Variants in SH3PXD2B observed in about 807,000 individuals in gnomAD.
The protein encoded by SH3PXD2B is SH3 and PX domains 2B, also known as SH3 and PX domain-containing protein 2B.
SH3PXD2B carries 37 observed loss-of-function variants against 73.1 expected under a neutral mutation model. The observed-to-expected ratio is 0.51, with a 90% CI of 0.39 to 0.67. The LOEUF (loss-of-function observed/expected upper bound fraction) is 0.67. SH3PXD2B is among the 30% of genes least tolerant of loss of function. The pLI, the probability that SH3PXD2B is intolerant of heterozygous loss-of-function variation, is 0.00. For missense variants in SH3PXD2B, 1,053 were observed against 1,197.8 expected, an observed-to-expected ratio of 0.88 and a Z score of 1.78; for synonymous variants, 457 against 480.5, an observed-to-expected ratio of 0.95 and a Z score of 0.64.
At chr5:172,430,896 T>G (rs183699296) in intron 1 of SH3PXD2B, among the ~76,000 whole-genome samples, 2 of 152,028 alleles carry the variant, frequency 1.3e-5, no homozygotes, top group Admixed American at 1.3e-4. Context: ...AGATGGAGTC[T>G]CGTTCTGTCA....
At chr5:172,418,440 G>T (rs1041734819) in intron 2 of SH3PXD2B, among the ~76,000 whole-genome samples, 1 of 152,188 alleles carries the variant, frequency 6.6e-6, no homozygotes, top group Non-Finnish European at 1.5e-5. Context: ...TTTCCATTAC[G>T]CCACACTGGC....
chr5:172,347,497 C>T (rs555684675), intron 10 of SH3PXD2B, among the ~76,000 whole-genome samples, 165 bp from the exon 11 acceptor site: 2 of 152,104 alleles, frequency 1.3e-5, no homozygotes, highest in East Asian at 1.9e-4. Flanking sequence ...GCTGCTCACG[C>T]GTGGCTCATA....
chr5:172,390,040 C>T (rs2247647), intron 4 of SH3PXD2B, among the ~76,000 whole-genome samples: 66,945 of 152,010 alleles, frequency 0.44, 15,314 homozygotes, highest in East Asian at 0.7. Context: ...ACAGATTTAC[C>T]GTGGCATAAA....
chr5:172,423,792 G>A (rs1759031743), intron 1 of SH3PXD2B, among the ~76,000 whole-genome samples: 1 of 152,120 alleles, frequency 6.6e-6, no homozygotes, highest in Non-Finnish European at 1.5e-5. Flanking sequence ...ACAGGCGAGC[G>A]CTACCGTGCC....
intron 4 of SH3PXD2B, among the ~76,000 whole-genome samples, chr5:172,383,288 C>A (rs1393836770): frequency 6.6e-6 from 1 of 152,222 alleles, no homozygotes; most frequent in Admixed American, 6.5e-5. Flanking sequence ...CCACATTAAT[C>A]TGCCCCAGTG....
chr5:172,436,921 C>T, intron 1 of SH3PXD2B, among the ~76,000 whole-genome samples: 1 of 152,134 alleles, frequency 6.6e-6, no homozygotes, highest in Admixed American at 6.5e-5. Context: ...CCGAAGGTCC[C>T]TAGGAATCCA....
intron 3 of SH3PXD2B, among the ~76,000 whole-genome samples, chr5:172,396,030 C>T (rs532723705): frequency 1.3e-5 from 2 of 151,816 alleles, no homozygotes; most frequent in South Asian, 2.1e-4. Context: ...AGATCAAGCT[C>T]GGGCAGGCAG....
chr5:172,345,821 G>A (rs1212624732), intron 12 of SH3PXD2B, among the ~76,000 whole-genome samples: 1 of 152,176 alleles, frequency 6.6e-6, no homozygotes, highest in Non-Finnish European at 1.5e-5. Context: ...GCACATCTAT[G>A]GGGACAGAAA....
At chr5:172,399,118 T>C (rs12055063) in intron 3 of SH3PXD2B, among the ~76,000 whole-genome samples, 72,923 of 152,092 alleles carry the variant, frequency 0.48, 18,479 homozygotes, top group East Asian at 0.69. Flanking sequence ...AAGTTCAAGC[T>C]GCCTTTCAAC....
At chr5:172,348,587 T>C (rs1401110368) in intron 10 of SH3PXD2B, among the ~76,000 whole-genome samples, 1 of 148,582 alleles carries the variant, frequency 6.7e-6, no homozygotes, top group African/African-American at 2.4e-5. Flanking sequence ...TCAGTGGTGG[T>C]AGGGGGGTGT....
intron 6 of SH3PXD2B, among the ~76,000 whole-genome samples, chr5:172,370,965 C>T (rs1757690597): frequency 6.6e-6 from 1 of 152,034 alleles, no homozygotes; most frequent in African/African-American, 2.4e-5. Flanking sequence ...TCAAAGGATT[C>T]CTAGGCAAGG....
At chr5:172,412,189 T>C (rs1300114028) in intron 2 of SH3PXD2B, among the ~76,000 whole-genome samples, 2 of 152,202 alleles carry the variant, frequency 1.3e-5, no homozygotes, top group Non-Finnish European at 2.9e-5. Flanking sequence ...AGGCTGTGTT[T>C]TAAGGTTGGC....
At chr5:172,351,030 C>T (rs1757150424) in intron 9 of SH3PXD2B, among the ~76,000 whole-genome samples, 2 of 152,240 alleles carry the variant, frequency 1.3e-5, no homozygotes, top group Admixed American at 6.5e-5. Flanking sequence ...CAAGTGGCAG[C>T]TGGCCATCAC....
intron 1 of SH3PXD2B, among the ~76,000 whole-genome samples, chr5:172,439,660 GTA>G (rs1375173364): frequency 2.4e-4 from 34 of 140,062 alleles, no homozygotes; most frequent in African/African-American, 1.0e-3. Flanking sequence ...TAAAAACCAG[GTA>G]TGTGTGTGCG....
intron 5 of SH3PXD2B, among the ~76,000 whole-genome samples, chr5:172,376,869 C>G (rs976071719): frequency 1.3e-5 from 2 of 152,190 alleles, no homozygotes. Context: ...GGTACCAGGC[C>G]CAGGACTGGA....
rs370759638 is a variant in SH3PXD2B at position 172,340,401 on chromosome 5, C to G, written c.1189-485G>C. Among the ~76,000 whole-genome samples, 22 of 152,288 alleles carry G rather than the reference C, an allele frequency of 1.4e-4. No individual in the cohort carries two copies. In the South Asian group the frequency reaches 4.1e-3, roughly 29 times the overall value. The stretch of plus-strand genomic sequence containing the variant: ...TACCCAGGGTATTAACTCCTCTCCC[C>G]TTCTGGGAAGCTGTCGGCTTGCAGG... On this transcript the variant is annotated intron_variant, in intron 12 of 12. Transcript: ENST00000311601.
chr5:172,360,909 G>A (rs536409819), intron 7 of SH3PXD2B, among the ~76,000 whole-genome samples: 31 of 152,264 alleles, frequency 2.0e-4, no homozygotes, highest in African/African-American at 7.2e-4. Flanking sequence ...CTAACCTAAA[G>A]AAACACTGAC....
chr5:172,340,549 G>A (rs1260481272), intron 12 of SH3PXD2B, among the ~76,000 whole-genome samples: 2 of 152,116 alleles, frequency 1.3e-5, no homozygotes, highest in African/African-American at 4.8e-5. Flanking sequence ...GCTGAGCATC[G>A]GATGAAGAAG....
downstream of SH3PXD2B, among the ~76,000 whole-genome samples, chr5:172,331,409 C>G (rs1756552454): frequency 6.6e-6 from 1 of 152,050 alleles, no homozygotes; most frequent in Non-Finnish European, 1.5e-5. Context: ...TCGACAAGCT[C>G]CCTGGTGAAT....
Sources: allele counts gnomAD v4.1 joint callset (sites outside exome capture counted in the v4.1 genomes callset), GRCh38; gene constraint gnomAD v4.1.1; transcripts MANE v1.5; gene names NCBI Gene and HGNC (gene_info 2026-07-23, HGNC 2026-07-21).